Variants in CACNB4 observed in about 807,000 individuals in gnomAD.
The protein encoded by CACNB4 is calcium voltage-gated channel auxiliary subunit beta 4.
A neutral mutation model predicts 71.2 loss-of-function variants in CACNB4; 32 were observed. The ratio of observed to expected loss-of-function variants is 0.45; its 90% CI spans 0.34 to 0.60. CACNB4 has a LOEUF of 0.60. Among genes scored for constraint, CACNB4 ranks in the 20% least tolerant of loss-of-function variants. CACNB4 has a pLI of 0.01. For synonymous variants in CACNB4, 231 were observed against 236.9 expected (o/e 0.97, Z 0.23); for missense variants, 464 against 647.9 (o/e 0.72, Z 3.08).
At chr2:151,876,345 C>G (rs2099846242) in intron 5 of CACNB4, 81 bp downstream of exon 5, 1 of 1,206,018 alleles carries the variant, frequency 8.3e-7, no homozygotes. Flanking sequence ...AAAGTATCTT[C>G]TACTTTGAAA....
intron 2 of CACNB4, among the ~76,000 whole-genome samples, chr2:152,094,511 G>C (rs1579287682): frequency 2.6e-5 from 4 of 152,194 alleles, no homozygotes; most frequent in Admixed American, 2.6e-4. Flanking sequence ...AGTGGGAAGA[G>C]GACTAACTTG....
intron 2 of CACNB4, chr2:151,973,639 AG>A (rs1357337241): frequency 2.5e-6 from 4 of 1,601,058 alleles, no homozygotes; most frequent in Non-Finnish European, 3.4e-6. Flanking sequence ...AGGAGGGGAG[AG>A]GGAATTAGCT....
chr2:151,854,530 G>GATA (rs1188528204), intron 11 of CACNB4: 7 of 152,284 alleles, frequency 4.6e-5, no homozygotes, highest in Non-Finnish European at 8.8e-5. Flanking sequence ...AGAAGAAACT[G>GATA]ATTATTAAGA....
At chr2:152,078,493 GCTGTC>G (rs1474660775) in intron 2 of CACNB4, among the ~76,000 whole-genome samples, 1 of 152,200 alleles carries the variant, frequency 6.6e-6, no homozygotes, top group Non-Finnish European at 1.5e-5. Context: ...CAGAAATAGA[GCTGTC>G]CCAATTTTTA....
At chr2:151,978,064 G>A (rs962085160) in intron 2 of CACNB4, among the ~76,000 whole-genome samples, 2 of 152,024 alleles carry the variant, frequency 1.3e-5, no homozygotes, top group African/African-American at 4.8e-5. Flanking sequence ...TTCCTCCCTG[G>A]AGCCCATCAG....
intron 2 of CACNB4, among the ~76,000 whole-genome samples, chr2:151,989,078 CCTT>C (rs1010809363): frequency 6.6e-6 from 1 of 152,144 alleles, no homozygotes; most frequent in Non-Finnish European, 1.5e-5. Flanking sequence ...AGAAAGTATC[CCTT>C]CTTCTTCTAA....
At chr2:151,970,487 T>C (rs2099872221) in intron 2 of CACNB4, 1 of 152,028 alleles carries the variant, frequency 6.6e-6, no homozygotes, top group Admixed American at 6.5e-5. Context: ...AAATACACAA[T>C]GAATCCATTT....
intron 2 of CACNB4, among the ~76,000 whole-genome samples, chr2:152,065,273 A>G (rs968348079): frequency 2.0e-5 from 3 of 151,916 alleles, no homozygotes; most frequent in Admixed American, 6.6e-5. Context: ...AATCCCAACT[A>G]CTCGGGAGGC....
chr2:151,895,096 C>CCCCACACACA (rs762464510), intron 2 of CACNB4, among the ~76,000 whole-genome samples: 6 of 22,284 alleles, frequency 2.7e-4, no homozygotes, highest in Non-Finnish European at 8.2e-4. Flanking sequence ...TCAAATAGCC[C>CCCCACACACA]CACACACACA....
intron 2 of CACNB4, among the ~76,000 whole-genome samples, chr2:152,084,905 G>A (rs372659733): frequency 2.6e-4 from 40 of 152,092 alleles, no homozygotes; most frequent in African/African-American, 4.1e-4. Flanking sequence ...GATTACAGGC[G>A]TGATTACGGG....
At chr2:151,874,865 C>A in intron 5 of CACNB4, 1 of 397,718 alleles carries the variant, frequency 2.5e-6, no homozygotes, top group Non-Finnish European at 4.4e-6. Flanking sequence ...CCTTTAAATA[C>A]CTGCACTCTG....
At chr2:151,964,156 G>C (rs2099870437) in intron 2 of CACNB4, among the ~76,000 whole-genome samples, 1 of 151,566 alleles carries the variant, frequency 6.6e-6, no homozygotes, top group Non-Finnish European at 1.5e-5. Flanking sequence ...CTCTATCAGT[G>C]GGAAAAATTC....
intron 2 of CACNB4, among the ~76,000 whole-genome samples, chr2:151,964,074 A>AC (rs1422742895): frequency 6.6e-6 from 1 of 151,006 alleles, no homozygotes; most frequent in Non-Finnish European, 1.5e-5. Context: ...TCACAGAAAA[A>AC]AAAAAAAAAA....
intron 2 of CACNB4, among the ~76,000 whole-genome samples, chr2:152,079,320 C>T (rs1258966396): frequency 3.9e-5 from 6 of 151,910 alleles, no homozygotes; most frequent in Admixed American, 6.6e-5. Context: ...GATCTCCTGA[C>T]CTCGTGATCC....
intron 2 of CACNB4, among the ~76,000 whole-genome samples, chr2:152,007,438 T>C (rs1682792152): frequency 6.6e-6 from 1 of 152,242 alleles, no homozygotes; most frequent in Admixed American, 6.5e-5. Context: ...TTGACTACTC[T>C]AGATATTTCA....
intron 2 of CACNB4, among the ~76,000 whole-genome samples, chr2:152,031,917 T>A (rs981182260): frequency 2.6e-5 from 4 of 152,188 alleles, no homozygotes; most frequent in African/African-American, 9.7e-5. Context: ...GTGCTGACAG[T>A]CTTGCCAAGC....
At chr2:152,003,720 A>G (rs1228978232) in intron 2 of CACNB4, among the ~76,000 whole-genome samples, 2 of 152,102 alleles carry the variant, frequency 1.3e-5, no homozygotes. Context: ...CATTGTATTG[A>G]CTATATTTAG....
chr2:151,892,313 G>A (rs1403749628), intron 2 of CACNB4, among the ~76,000 whole-genome samples: 1 of 151,164 alleles, frequency 6.6e-6, no homozygotes, highest in African/African-American at 2.4e-5. Context: ...AGAGAGATAC[G>A]ACAACAGGAT....
chr2:151,861,852 A>AAAAAAAAAAAAAAAAACAAAAAAC (rs1559883027), intron 9 of CACNB4: 1 of 146,552 alleles, frequency 6.8e-6, no homozygotes, highest in African/African-American at 2.6e-5. Context: ...CAAAAAAAAA[A>AAAAAAAAAAAAAAAAACAAAAAAC]AAAAAACTGA....
Sources: gnomAD v4.1 joint callset for allele counts (sites outside exome capture counted in the v4.1 genomes callset) on GRCh38, gnomAD v4.1.1 for gene constraint, MANE v1.5 for transcripts, NCBI Gene and HGNC (gene_info 2026-07-23, HGNC 2026-07-21) for gene names.